RBFOX1: variants seen among roughly 807,000 people sequenced by gnomAD.
RBFOX1 encodes the protein RNA binding protein fox-1 homolog 1.
In RBFOX1, 8 loss-of-function variants were observed where a neutral mutation model predicts 57.7. That is an observed-to-expected ratio of 0.14 (90% CI 0.08 to 0.25). The LOEUF (loss-of-function observed/expected upper bound fraction) is 0.25. Among genes scored for constraint, RBFOX1 ranks in the 10% least tolerant of loss-of-function variants. The pLI, the probability that RBFOX1 is intolerant of heterozygous loss-of-function variation, is 1.00. For synonymous variants in RBFOX1, 326 were observed against 222.4 expected (o/e 1.47, Z -4.15); for missense variants, 611 against 548.5 (o/e 1.11, Z -1.14).
chr16:7,534,092 T>C (rs2080882116), intron 5 of RBFOX1, among the ~76,000 whole-genome samples: 1 of 147,358 alleles, frequency 6.8e-6, no homozygotes, highest in African/African-American at 2.5e-5. Flanking sequence ...TTTTCTTTTT[T>C]TTTTTTTTTT....
chr16:6,514,129 C>T (rs2096316977), intron 2 of RBFOX1, among the ~76,000 whole-genome samples: 1 of 152,088 alleles, frequency 6.6e-6, no homozygotes, highest in African/African-American at 2.4e-5. Context: ...AGTAATCAGC[C>T]CTAGGTGTCA....
intron 1 of RBFOX1, among the ~76,000 whole-genome samples, chr16:6,073,582 A>C (rs563289296): frequency 6.6e-6 from 1 of 152,316 alleles, no homozygotes; most frequent in South Asian, 2.1e-4. Context: ...AACGTAATAC[A>C]CTTCCGTTTT....
intron 2 of RBFOX1, among the ~76,000 whole-genome samples, chr16:6,325,110 C>A (rs934505795): frequency 2.0e-5 from 3 of 151,964 alleles, no homozygotes; most frequent in Non-Finnish European, 4.4e-5. Context: ...AAGCCCAGAA[C>A]TTTGGGAGGC....
intron 3 of RBFOX1, among the ~76,000 whole-genome samples, chr16:5,722,183 A>G (rs916102789): frequency 2.0e-5 from 3 of 152,222 alleles, no homozygotes; most frequent in African/African-American, 7.2e-5. Flanking sequence ...CAAGTTTGAA[A>G]TAGGGTTTGT....
intron 9 of RBFOX1, 34 bp from the exon 10 acceptor site, chr16:7,607,251 T>C: frequency 6.3e-7 from 1 of 1,581,522 alleles, no homozygotes; most frequent in Non-Finnish European, 8.6e-7. Flanking sequence ...TTGAATCAAA[T>C]GTGATAATAA....
At chr16:6,644,314 G>T (rs1274400755) in intron 2 of RBFOX1, among the ~76,000 whole-genome samples, 1 of 152,200 alleles carries the variant, frequency 6.6e-6, no homozygotes. Flanking sequence ...GTTGAGTCAA[G>T]ATTTAAAATG....
chr16:6,792,637 A>G (rs543819735), intron 3 of RBFOX1, among the ~76,000 whole-genome samples: 26 of 152,192 alleles, frequency 1.7e-4, no homozygotes, highest in South Asian at 4.1e-4. Flanking sequence ...ATTGCTGTCT[A>G]TGGTAACTTG....
intron 2 of RBFOX1, among the ~76,000 whole-genome samples, chr16:5,472,645 C>T (rs977250768): frequency 6.6e-6 from 1 of 152,166 alleles, no homozygotes; most frequent in Non-Finnish European, 1.5e-5. Flanking sequence ...GACTGGGTCT[C>T]ACCTCCTTTC....
At chr16:5,912,707 C>G (rs2058629214) in intron 4 of RBFOX1, among the ~76,000 whole-genome samples, 1 of 151,956 alleles carries the variant, frequency 6.6e-6, no homozygotes, top group Non-Finnish European at 1.5e-5. Flanking sequence ...CTCTTGGAGG[C>G]TTACAAAAAA....
intron 3 of RBFOX1, among the ~76,000 whole-genome samples, chr16:5,790,474 C>T (rs922831290): frequency 5.5e-5 from 8 of 145,878 alleles, no homozygotes; most frequent in Admixed American, 3.4e-4. Flanking sequence ...TGCTGCAATA[C>T]AACTGTTGAT....
intron 1 of RBFOX1, among the ~76,000 whole-genome samples, chr16:6,130,252 C>A (rs2096620387): frequency 6.6e-6 from 1 of 152,014 alleles, no homozygotes; most frequent in African/African-American, 2.4e-5. Context: ...GACTACTGTG[C>A]AAATGTATGA....
At chr16:6,804,237 T>C (rs1156670914) in intron 3 of RBFOX1, among the ~76,000 whole-genome samples, 1 of 151,784 alleles carries the variant, frequency 6.6e-6, no homozygotes, top group East Asian at 2.0e-4. Flanking sequence ...CTCAAACTCC[T>C]GACCTCTTGA....
chr16:6,910,566 G>A (rs1431617544), intron 3 of RBFOX1, among the ~76,000 whole-genome samples: 2 of 152,170 alleles, frequency 1.3e-5, no homozygotes, highest in African/African-American at 2.4e-5. Flanking sequence ...CCCTATTGGG[G>A]TAAAATCAAA....
At position 5,825,548 on chromosome 16, in the gene RBFOX1, C is replaced by G. The variant is rs1265316648; in HGVS notation, c.319-41755C>G. The stretch of plus-strand genomic sequence containing the variant: ...AAAATTATAGCATCTTTTCTCAGTG[C>G]ATTTTTTATGGTAAAAACCATGTAA... On this transcript the variant is annotated intron_variant, in intron 3 of 19. Transcript: ENST00000641259. Among the ~76,000 whole-genome samples, 5 of 152,124 alleles carry G rather than the reference C, an allele frequency of 3.3e-5. No individual in the cohort carries two copies. The East Asian group carries it at 9.6e-4, about 29-fold the overall frequency.
intron 4 of RBFOX1, among the ~76,000 whole-genome samples, chr16:7,149,331 A>G (rs2075670993): frequency 6.6e-6 from 1 of 152,048 alleles, no homozygotes; most frequent in Non-Finnish European, 1.5e-5. Flanking sequence ...TAAAGAGTCA[A>G]GTCTCTTGGT....
At chr16:7,668,427 G>T (rs779689412) in intron 13 of RBFOX1, among the ~76,000 whole-genome samples, 4 of 152,132 alleles carry the variant, frequency 2.6e-5, no homozygotes, top group Non-Finnish European at 5.9e-5. Flanking sequence ...GAAATGCTGT[G>T]AGCCAGACAC....
At chr16:5,766,475 C>CT (rs1403902462) in intron 3 of RBFOX1, among the ~76,000 whole-genome samples, 2 of 152,056 alleles carry the variant, frequency 1.3e-5, no homozygotes, top group African/African-American at 2.4e-5. Context: ...GTACCAGCTA[C>CT]TTGGGAGGCT....
chr16:5,545,752 C>T (rs370927442), intron 2 of RBFOX1, among the ~76,000 whole-genome samples: 1 of 152,070 alleles, frequency 6.6e-6, no homozygotes, highest in South Asian at 2.1e-4. Flanking sequence ...TAGTGAAAGA[C>T]TGAATGCTTT....
intron 3 of RBFOX1, among the ~76,000 whole-genome samples, chr16:6,762,667 G>C (rs972471983): frequency 1.3e-5 from 2 of 152,116 alleles, no homozygotes; most frequent in African/African-American, 4.8e-5. Flanking sequence ...ATTAAACTTG[G>C]CATTTGGTTA....
Sources: allele counts gnomAD v4.1 joint callset (sites outside exome capture counted in the v4.1 genomes callset), GRCh38; gene constraint gnomAD v4.1.1; transcripts MANE v1.5; gene names NCBI Gene and HGNC (gene_info 2026-07-23, HGNC 2026-07-21).